The following MARCHF6 variants were observed in gnomAD, a reference collection of about 807,000 sequenced individuals.
MARCHF6 encodes the protein E3 ubiquitin-protein ligase MARCHF6.
A neutral mutation model predicts 133.7 loss-of-function variants in MARCHF6; 31 were observed. That is an observed-to-expected ratio of 0.23 (90% CI 0.17 to 0.31). MARCHF6 has a LOEUF of 0.31. Ranked by LOEUF, MARCHF6 falls within the 10% of genes least tolerant of loss-of-function variation. The pLI, the probability that MARCHF6 is intolerant of heterozygous loss-of-function variation, is 1.00. For synonymous variants in MARCHF6, 395 were observed against 402.5 expected (o/e 0.98, Z 0.22); for missense variants, 723 against 1,121.6 (o/e 0.64, Z 5.08).
chr5:10,422,336 G>A (rs900766310), intron 22 of MARCHF6, among the ~76,000 whole-genome samples: 2 of 152,158 alleles, frequency 1.3e-5, no homozygotes, highest in Non-Finnish European at 2.9e-5. Context: ...TACAAAAACA[G>A]GAGAAAATTT....
At chr5:10,356,163 ATTT>A (rs1735446658) in intron 1 of MARCHF6, among the ~76,000 whole-genome samples, 1 of 152,008 alleles carries the variant, frequency 6.6e-6, no homozygotes, top group Admixed American at 6.6e-5. Context: ...AAAATGTTCT[ATTT>A]GTGAAATCAG....
intron 9 of MARCHF6, among the ~76,000 whole-genome samples, chr5:10,395,505 A>C (rs1240405586): frequency 6.6e-6 from 1 of 152,172 alleles, no homozygotes; most frequent in African/African-American, 2.4e-5. Context: ...ATATTAGTAA[A>C]GATTGCAAGT....
intron 1 of MARCHF6, among the ~76,000 whole-genome samples, chr5:10,362,958 A>G (rs1397868667): frequency 6.6e-6 from 1 of 152,234 alleles, no homozygotes; most frequent in African/African-American, 2.4e-5. Context: ...TCGTTTTTCA[A>G]CAAATGGCAC....
At chr5:10,369,701 C>G (rs1736354278) in intron 1 of MARCHF6, among the ~76,000 whole-genome samples, 2 of 146,174 alleles carry the variant, frequency 1.4e-5, no homozygotes, top group African/African-American at 2.5e-5. Flanking sequence ...CTGTCCCTAT[C>G]ATTCTGCTTT....
chr5:10,401,190 T>C (rs1241304319), intron 11 of MARCHF6: 1 of 198,228 alleles, frequency 5.0e-6, no homozygotes, highest in East Asian at 1.2e-4. Flanking sequence ...AAAGTAACAA[T>C]ATATCAATCA....
At chr5:10,408,415 C>G (rs2126781240) in intron 17 of MARCHF6, among the ~76,000 whole-genome samples, 1 of 152,350 alleles carries the variant, frequency 6.6e-6, no homozygotes, top group South Asian at 2.1e-4. Flanking sequence ...GCTACACTGC[C>G]ATTGAGGCTC....
At chr5:10,367,987 C>A (rs1431983652) in intron 1 of MARCHF6, among the ~76,000 whole-genome samples, 1 of 152,116 alleles carries the variant, frequency 6.6e-6, no homozygotes, top group East Asian at 1.9e-4. Flanking sequence ...TTACTTTGGC[C>A]TGAGCAAGAT....
intron 1 of MARCHF6, among the ~76,000 whole-genome samples, chr5:10,370,508 CTTG>C (rs1193020937): frequency 6.6e-6 from 1 of 152,102 alleles, no homozygotes; most frequent in African/African-American, 2.4e-5. Flanking sequence ...TTAAATACAC[CTTG>C]TTGTGCAACC....
chr5:10,410,413 T>C (rs1739150520), intron 18 of MARCHF6, 137 bp downstream of exon 18: 1 of 999,582 alleles, frequency 1.0e-6, no homozygotes, highest in Non-Finnish European at 1.4e-6. Context: ...TATTTGCAAT[T>C]GCATATAATA....
chr5:10,430,792 G>A (rs1740326765), intron 25 of MARCHF6, among the ~76,000 whole-genome samples: 1 of 152,174 alleles, frequency 6.6e-6, no homozygotes, highest in Non-Finnish European at 1.5e-5. Context: ...GAGGCTTGAG[G>A]GTTACTGCAA....
At chr5:10,395,529 C>T (rs1469397641) in intron 9 of MARCHF6, among the ~76,000 whole-genome samples, 1 of 152,078 alleles carries the variant, frequency 6.6e-6, no homozygotes, top group Non-Finnish European at 1.5e-5. Flanking sequence ...AGGTGAGGAG[C>T]AATTCTTTAA....
At chr5:10,432,776 T>G (rs1425391290) in intron 25 of MARCHF6, among the ~76,000 whole-genome samples, 4 of 152,156 alleles carry the variant, frequency 2.6e-5, no homozygotes, top group Non-Finnish European at 5.9e-5. Flanking sequence ...TTCTCCCACC[T>G]CCTGTCACTC....
chr5:10,385,410 T>G (rs1200209421), intron 4 of MARCHF6, among the ~76,000 whole-genome samples: 1 of 152,026 alleles, frequency 6.6e-6, no homozygotes, highest in African/African-American at 2.4e-5. Context: ...ATTTGGAAAT[T>G]TCAAACAAAG....
chr5:10,402,537 C>G lies in MARCHF6; in HGVS notation c.1127C>G (p.Ser376Cys). The G allele has an allele frequency of 6.2e-7, 1 of 1,613,690 alleles. No homozygotes were observed. Among genetic ancestry groups the G allele is most frequent in the Non-Finnish European group, 8.5e-7 (1 of 1,179,776 alleles). Reference protein sequence around the residue: ...LGVCYIVVKVSLLVVVEIGVF... With the variant: ...LGVCYIVVKVCLLVVVEIGVF... ...TGACCTTTATTTTCACTTAAGGTCTCTTTGTTAGTGGTGGTAGAAATTGGA... is the reference window on the plus strand; with the variant it reads ...TGACCTTTATTTTCACTTAAGGTCTGTTTGTTAGTGGTGGTAGAAATTGGA... The change falls in exon 14 of 26, where the codon TCT becomes TGT. Residue 376 changes from serine (S) to cysteine (C), a missense_variant. By Grantham distance (112) the Ser-to-Cys change is moderately radical. Transcript: ENST00000274140.
intron 22 of MARCHF6, among the ~76,000 whole-genome samples, chr5:10,420,508 C>T (rs570650513): frequency 6.6e-6 from 1 of 152,318 alleles, no homozygotes; most frequent in Admixed American, 6.5e-5. Context: ...ATGGGACAAA[C>T]AGATACTATC....
intron 1 of MARCHF6, among the ~76,000 whole-genome samples, chr5:10,359,161 G>T (rs1301288758): frequency 6.6e-6 from 1 of 152,160 alleles, no homozygotes. Context: ...AACATGATGG[G>T]ATCCATATGA....
At chr5:10,388,007 A>G (rs1052622611) in intron 5 of MARCHF6, among the ~76,000 whole-genome samples, 1 of 152,220 alleles carries the variant, frequency 6.6e-6, no homozygotes, top group African/African-American at 2.4e-5. Flanking sequence ...ATTTGAACTC[A>G]AATTTATTTT....
chr5:10,419,650 A>C (rs1367466826), intron 22 of MARCHF6, among the ~76,000 whole-genome samples: 1 of 151,820 alleles, frequency 6.6e-6, no homozygotes, highest in Non-Finnish European at 1.5e-5. Flanking sequence ...CCAGCAAATA[A>C]AGGTAGAGAG....
intron 1 of MARCHF6, among the ~76,000 whole-genome samples, chr5:10,377,138 G>C (rs1736834527): frequency 6.6e-6 from 1 of 152,128 alleles, no homozygotes; most frequent in Non-Finnish European, 1.5e-5. Flanking sequence ...GTCTTGTAGT[G>C]CTGGGCATGA....
Sources: allele counts gnomAD v4.1 joint callset (sites outside exome capture counted in the v4.1 genomes callset), GRCh38; gene constraint gnomAD v4.1.1; transcripts MANE v1.5; gene names NCBI Gene and HGNC (gene_info 2026-07-23, HGNC 2026-07-21).